Variants in EP400 observed in about 807,000 individuals in gnomAD.
The protein encoded by EP400 is E1A-binding protein p400.
EP400 carries 105 observed loss-of-function variants against 354.1 expected under a neutral mutation model. The ratio of observed to expected loss-of-function variants is 0.30; its 90% CI spans 0.25 to 0.35. The LOEUF is 0.35. Ranked by LOEUF, EP400 falls within the 10% of genes least tolerant of loss-of-function variation. The pLI is 1.00. For missense variants in EP400, 3,280 were observed against 4,121.0 expected (o/e 0.80, Z 5.59); for synonymous variants, 1,646 against 1,716.9 (o/e 0.96, Z 1.02).
chr12:131,950,177 C>T (rs1891412242), intron 1 of EP400, 141 bp downstream of exon 1: 1 of 151,900 alleles, frequency 6.6e-6, no homozygotes, highest in Admixed American at 6.6e-5. Flanking sequence ...GGGACCAGGC[C>T]GTGGCGGCTG....
chr12:132,038,137 G>C lies in EP400; in HGVS notation c.6207+41G>C. Reference sequence around the variant, plus strand: ...ATCTGGCTGAAGAGTTGCACGGTGGGAGCCGGCGGAACACCTGCACCCTCC... The same window carrying C: ...ATCTGGCTGAAGAGTTGCACGGTGGCAGCCGGCGGAACACCTGCACCCTCC... On this transcript the variant is annotated intron_variant, in intron 32 of 52. Coordinates refer to ENST00000389561, the MANE Select transcript of EP400 (RefSeq NM_015409.5). The surrounding 1 kb of genome is among the most constrained non-coding windows in gnomAD (Gnocchi z 4.2). 6.2e-7 allele frequency: 1 copy of C among 1,610,638 alleles called. No individual in the cohort carries two copies. The highest frequency in any genetic ancestry group is 1.3e-5 in the African/African-American group (1 of 74,892).
In EP400 at chr12:132,038,916, G is replaced by A. The variant is rs145246826; in HGVS notation, c.6207+820G>A. Among the ~76,000 whole-genome samples, 687 of 152,310 alleles carry A rather than the reference G, an allele frequency of 4.5e-3. 1 individual carries two copies. The highest frequency in any genetic ancestry group is 7.7e-3 in the Non-Finnish European group (527 of 68,030). Reference sequence around the variant, plus strand: ...CGTTTCTGTGCCTCTTACCTTGGAAGGATTTGGTATCCCTGTACATCTTTC... The same window carrying A: ...CGTTTCTGTGCCTCTTACCTTGGAAAGATTTGGTATCCCTGTACATCTTTC... On this transcript the variant is annotated intron_variant, in intron 32 of 52. Transcript: ENST00000389561. This position sits in a 1 kb window ranked among gnomAD's most constrained non-coding sequence, Gnocchi z 4.2.
chr12:132,073,228 CTTTTT>C (rs56108246), intron 51 of EP400, among the ~76,000 whole-genome samples: 1 of 125,500 alleles, frequency 8.0e-6, no homozygotes, highest in Admixed American at 8.1e-5. Context: ...GCCACCTTCT[CTTTTT>C]TTTTTTTTTT....
rs1157792859 is a variant in EP400 at position 132,078,031 on chromosome 12, A to AGCCGTCT, written c.*364_*370dup. Reference sequence around the variant, plus strand: ...CATGTAGTGCTTTGCACGCCACAGAAGCCGTCTGCCGTGTGTGAGGAGCAT... The same window carrying AGCCGTCT: ...CATGTAGTGCTTTGCACGCCACAGAAGCCGTCTGCCGTCTGCCGTGTGTGAGGAGCAT... On this transcript the variant is annotated 3_prime_UTR_variant, in exon 53 of 53. Transcript: ENST00000389561. 1 of 235,692 alleles carries AGCCGTCT rather than the reference A, an allele frequency of 4.2e-6. No homozygotes were observed. The highest frequency in any genetic ancestry group is 9.4e-5 in the East Asian group (1 of 10,616). The allele number at this position is 235,692 out of a possible 1,614,324, so 14.6% of individuals were successfully genotyped here.
Position 131,960,501 on chromosome 12 carries a change from C to G in EP400, c.-35-84C>G, listed in dbSNP as rs902668477. ...ATCAGATGCGGTGGGAATGTACTTT[C>G]AAAGTGTCTTTTCAGTGCTGTTAAG... On this transcript the variant is annotated intron_variant, in intron 1 of 52. Coordinates refer to ENST00000389561, the MANE Select transcript of EP400 (RefSeq NM_015409.5). 1.8e-5 allele frequency: 24 copies of G among 1,303,134 alleles called. No homozygotes were observed. The African/African-American group carries it at 3.3e-4, about 18-fold the overall frequency. The allele number at this position is 1,303,134 out of a possible 1,614,324, so 80.7% of individuals were successfully genotyped here.
chr12:132,061,001 T>C (rs1378438075), intron 45 of EP400, among the ~76,000 whole-genome samples: 1 of 150,654 alleles, frequency 6.6e-6, no homozygotes. Flanking sequence ...CTTCACTGAA[T>C]GATATGCTTT....
At position 132,018,347 on chromosome 12, in the gene EP400, A is replaced by G. The variant is rs1404673688; in HGVS notation, c.4248A>G (p.Arg1416=). ...CCACTTCAGCAGCCCCAGCAGCCCG[A>G]CCAGCAGCAGCAAAGCTGAAGGCCA... ...EISTSAAPAA[R]PAAAKLKASR... The change falls in exon 21 of 53, where the codon CGA becomes CGG. Residue 1416 remains arginine, a synonymous_variant. Coordinates refer to ENST00000389561, the MANE Select transcript of EP400 (RefSeq NM_015409.5). This position sits in a 1 kb window ranked among gnomAD's most constrained non-coding sequence, Gnocchi z 4.0. 1.2e-6 allele frequency: 2 copies of G among 1,609,414 alleles called. No homozygotes were observed. The highest frequency in any genetic ancestry group is 1.7e-6 in the Non-Finnish European group (2 of 1,178,716).
chr12:132,066,661 CT>C, intron 48 of EP400, 112 bp from the exon 49 acceptor site: 1 of 1,153,466 alleles, frequency 8.7e-7, no homozygotes, highest in Non-Finnish European at 1.2e-6. Flanking sequence ...CCACTTTAAA[CT>C]TTGTTGATCT....
intron 27 of EP400, chr12:132,028,971 A>G (rs1011723175): frequency 2.0e-5 from 3 of 152,500 alleles, no homozygotes; most frequent in African/African-American, 7.2e-5. Context: ...AGGAAGCAGA[A>G]TTAATGGAAA....
At chr12:132,011,355 T>G in intron 15 of EP400, 143 bp from the exon 16 acceptor site, 2 of 1,013,928 alleles carry the variant, frequency 2.0e-6, no homozygotes, top group Non-Finnish European at 2.9e-6. Flanking sequence ...AATGCACTTG[T>G]TCCCCCCCAA....
chr12:132,063,657 C>T (rs1895783340), intron 47 of EP400, among the ~76,000 whole-genome samples: 1 of 152,206 alleles, frequency 6.6e-6, no homozygotes, highest in African/African-American at 2.4e-5. Flanking sequence ...GAGTCTGGGC[C>T]TCTCCGTGGT....
At position 132,062,533 on chromosome 12, in the gene EP400, GCAGCAGCAGCAA is replaced by G; in HGVS notation, c.8169_8180del (p.Gln2745_Gln2748del). On this transcript the variant is annotated inframe_deletion, in exon 47 of 53. Coordinates refer to ENST00000389561, the MANE Select transcript of EP400 (RefSeq NM_015409.5). ...ATTTCCAGCTTCTCAGGCAGCAGCA[GCAGCAGCAGCAA>G]CAACAGCAGCAGCAGCAGCAGCAGC... 1 of 1,603,290 alleles carries G rather than the reference GCAGCAGCAGCAA, an allele frequency of 6.2e-7. No homozygotes were observed.
chr12:132,047,384 G>A (rs1045958209), intron 39 of EP400, among the ~76,000 whole-genome samples: 4 of 152,186 alleles, frequency 2.6e-5, no homozygotes, highest in African/African-American at 9.7e-5. Flanking sequence ...TAGTCACGTA[G>A]GTTCTTTTCT....
chr12:132,037,162 C>A (rs535851466), intron 30 of EP400, among the ~76,000 whole-genome samples: 7 of 152,294 alleles, frequency 4.6e-5, no homozygotes, highest in African/African-American at 1.7e-4. Flanking sequence ...GGGGGTCCGT[C>A]TGTCCAGTGG....
Position 132,053,387 on chromosome 12 carries a change from G to GCCCCCCCCCCCCCCCCC in EP400, c.7520_7521insCCCCCCCCCCCCCCCCC (p.Gln2511ProfsTer90). 1 of 1,546,956 alleles carries GCCCCCCCCCCCCCCCCC rather than the reference G, an allele frequency of 6.5e-7. No homozygotes were observed. On this transcript the variant is annotated frameshift_variant, in exon 43 of 53. Transcript: ENST00000389561. LOFTEE classifies it high-confidence loss of function. ...AGGCACAGCAGCCGGCCGTGGCCCAGCCACCCCCGCCCCAGCCGCAGCCCC... is the reference window on the plus strand; with the variant it reads ...AGGCACAGCAGCCGGCCGTGGCCCAGCCCCCCCCCCCCCCCCCCCACCCCCGCCCCAGCCGCAGCCCC...
At position 132,057,296 on chromosome 12, in the gene EP400, G is replaced by A. The variant is rs574876758; in HGVS notation, c.7884+2088G>A. On this transcript the variant is annotated intron_variant, in intron 45 of 52. Coordinates refer to ENST00000389561, the MANE Select transcript of EP400 (RefSeq NM_015409.5). ...GCTGGTGAATGGGCTGATAAACCAT[G>A]GTACATTCATACAGCCCAGTCCTAC... Among the ~76,000 whole-genome samples the A allele has an allele frequency of 1.4e-4, 22 of 152,292 alleles. 1 individual carries two copies. The South Asian group carries it at 4.4e-3, about 30-fold the overall frequency.
rs780986669 is a variant in EP400, at chr12:132,031,958, G to A, written c.5760G>A (p.Leu1920=). 1.2e-6 allele frequency: 2 copies of A among 1,609,448 alleles called. No homozygotes were observed. Among genetic ancestry groups the A allele is most frequent in the Non-Finnish European group, 1.7e-6 (2 of 1,176,490 alleles). ...ENASSEQRQE[L]MRSFNRDRRI... ...TGTGTTTTGTTTCATCTTAGGAACTGATGAGGAGTTTCAACAGAGACAGGC... is the reference window on the plus strand; with the variant it reads ...TGTGTTTTGTTTCATCTTAGGAACTAATGAGGAGTTTCAACAGAGACAGGC... The change falls in exon 30 of 53, where the codon CTG becomes CTA. Residue 1920 remains leucine (L), a synonymous_variant. Transcript: ENST00000389561.
At chr12:132,074,377 CTT>C (rs1896165264) in intron 51 of EP400, among the ~76,000 whole-genome samples, 1 of 152,180 alleles carries the variant, frequency 6.6e-6, no homozygotes, top group Non-Finnish European at 1.5e-5. Context: ...TTGTCTTTGT[CTT>C]TGTTGTTTTG....
At chr12:132,058,787 C>T (rs1303396697) in intron 45 of EP400, among the ~76,000 whole-genome samples, 3 of 146,940 alleles carry the variant, frequency 2.0e-5, no homozygotes, top group African/African-American at 7.9e-5. Context: ...AAAACGATTT[C>T]TTCCTTTTTT....
Sources: gnomAD v4.1 joint callset for allele counts (sites outside exome capture counted in the v4.1 genomes callset) on GRCh38, gnomAD v4.1.1 for gene constraint, Gnocchi (gnomAD v3.1) non-coding constraint, MANE v1.5 for transcripts, NCBI Gene and HGNC (gene_info 2026-07-23, HGNC 2026-07-21) for gene names.